Variants in TSPAN1 observed in about 807,000 individuals in gnomAD.
The protein encoded by TSPAN1 is tetraspanin-1.
Under a neutral mutation model 26.9 loss-of-function variants are expected in TSPAN1, and 23 were observed. That is an observed-to-expected ratio of 0.85 (90% CI 0.62 to 1.21). The LOEUF (loss-of-function observed/expected upper bound fraction) is 1.21, where lower values mean the gene tolerates loss of function less well. Ranked by LOEUF, TSPAN1 falls within the 50% of genes most tolerant of loss-of-function variation. The pLI is 0.00. For synonymous variants in TSPAN1, 115 were observed against 114.8 expected (o/e 1.00, Z -0.01); for missense variants, 283 against 298.4 (o/e 0.95, Z 0.38).
At chr1:46,178,287 G>A (rs1172167699) in intron 1 of TSPAN1, among the ~76,000 whole-genome samples, 1 of 151,852 alleles carries the variant, frequency 6.6e-6, no homozygotes, top group Admixed American at 6.6e-5. Context: ...AAACTGGGAG[G>A]CGGAGGTTGC....
the TSPAN1 span, chr1:46,195,931 G>T: frequency 5.0e-4 from 801 of 1,614,140 alleles, 1 homozygote; most frequent in Admixed American, 2.1e-3. Context: ...GGCCCTGGCA[G>T]GGGATATACT....
intron 2 of TSPAN1, 132 bp from the exon 3 acceptor site, chr1:46,180,968 C>A: frequency 1.4e-6 from 1 of 715,408 alleles, no homozygotes; most frequent in Non-Finnish European, 2.4e-6. Flanking sequence ...AGACCAGGTA[C>A]AGGAGAAGCT....
At chr1:46,193,241 C>A in the TSPAN1 span, 1 of 1,614,136 alleles carries the variant, frequency 6.2e-7, no homozygotes, top group Non-Finnish European at 8.5e-7. Flanking sequence ...GAATAGGGCA[C>A]ATGAGCTTTA....
downstream of TSPAN1, chr1:46,190,097 C>CAT: frequency 2.5e-6 from 2 of 807,240 alleles, no homozygotes; most frequent in South Asian, 2.0e-5. Flanking sequence ...CCTTGAAGTT[C>CAT]TTTTTTTTTT....
rs1657305666 is a variant in TSPAN1 at position 46,181,099 on chromosome 1, G to A, written c.-8-1G>A. The A allele has an allele frequency of 6.2e-7, 1 of 1,613,802 alleles. No individual in the cohort carries two copies. Among genetic ancestry groups the A allele is most frequent in the African/African-American group, 1.3e-5 (1 of 75,050 alleles). ...CTAACTTGCACATGTCTACCTCCCA[G>A]GAGCCACCATGCAGTGCTTCAGCTT... On this transcript the variant is annotated splice_acceptor_variant, in intron 2 of 8. Transcript: ENST00000372003. LOFTEE classifies it low-confidence loss of function (5UTR_SPLICE).
At chr1:46,181,357 A>G (rs929021586) in intron 3 of TSPAN1, among the ~76,000 whole-genome samples, 193 bp downstream of exon 3, 3 of 152,130 alleles carry the variant, frequency 2.0e-5, no homozygotes, top group African/African-American at 7.2e-5. Flanking sequence ...GCTGCCATAC[A>G]GGTGCGTGTG....
At chr1:46,187,087 C>T (rs1164675186), downstream of TSPAN1, among the ~76,000 whole-genome samples, 1 of 152,242 alleles carries the variant, frequency 6.6e-6, no homozygotes, top group African/African-American at 2.4e-5. Flanking sequence ...GGATTACAGG[C>T]GTGAGCCACC....
the TSPAN1 span, chr1:46,194,901 G>A: frequency 6.2e-7 from 1 of 1,614,140 alleles, no homozygotes; most frequent in African/African-American, 1.3e-5. Flanking sequence ...GGGCCAGCCT[G>A]GCTGCCCAGG....
intron 1 of TSPAN1, among the ~76,000 whole-genome samples, chr1:46,176,050 T>C (rs1657140078): frequency 1.3e-5 from 2 of 152,144 alleles, no homozygotes; most frequent in South Asian, 2.1e-4. Flanking sequence ...TTTTTTTTTG[T>C]ATTTTTAGTA....
Position 46,184,540 on chromosome 1 carries a change from G to A in TSPAN1, c.265-54G>A, listed in dbSNP as rs1213316674. On this transcript the variant is annotated intron_variant, in intron 4 of 8. Coordinates refer to ENST00000372003, the MANE Select transcript of TSPAN1 (RefSeq NM_005727.4). ...TTTCCGGGGGGGGGATTAGGGCAAG[G>A]AGGGCATGAGGGACTGTCTCTCCCT... 2.5e-6 allele frequency: 4 copies of A among 1,607,064 alleles called. No homozygotes were observed. The East Asian group carries it at 8.9e-5, about 36-fold the overall frequency.
At chr1:46,190,790 G>A (rs770449394), downstream of TSPAN1, 59 of 1,609,958 alleles carry the variant, frequency 3.7e-5, no homozygotes, top group East Asian at 7.6e-4. Flanking sequence ...GCCTCCTGGA[G>A]TGGGTATGAG....
At chr1:46,189,467 G>C, downstream of TSPAN1, 1 of 1,613,712 alleles carries the variant, frequency 6.2e-7, no homozygotes, top group Admixed American at 1.7e-5. Context: ...CGAGTAGGGG[G>C]AAGCCGGGAC....
chr1:46,195,737 G>C, the TSPAN1 span: 5 of 1,302,030 alleles, frequency 3.8e-6, no homozygotes, highest in Non-Finnish European at 4.3e-6. Flanking sequence ...GTTATATGAG[G>C]GGCAGAGAAG....
chr1:46,179,617 G>C (rs145040844), intron 1 of TSPAN1, among the ~76,000 whole-genome samples: 54 of 152,286 alleles, frequency 3.5e-4, no homozygotes, highest in South Asian at 2.1e-3. Flanking sequence ...TCTACATCAG[G>C]CGTGCTGGAG....
chr1:46,183,477 A>C (rs1182371936), intron 3 of TSPAN1: 1 of 152,656 alleles, frequency 6.6e-6, no homozygotes, highest in African/African-American at 2.4e-5. Context: ...CTTTCCTCTA[A>C]GATCTGTGGG....
chr1:46,194,254 T>A, the TSPAN1 span: 1 of 1,614,130 alleles, frequency 6.2e-7, no homozygotes, highest in Non-Finnish European at 8.5e-7. Context: ...CAAACCTCAC[T>A]GTCTTAAGGC....
chr1:46,176,138 G>C, intron 1 of TSPAN1: 1 of 1,444,848 alleles, frequency 6.9e-7, no homozygotes, highest in Non-Finnish European at 9.3e-7. Context: ...GCCTCCCAAA[G>C]TGCCGGGATT....
the TSPAN1 span, chr1:46,195,869 GCCTCAT>G: frequency 1.2e-6 from 2 of 1,613,068 alleles, no homozygotes; most frequent in Non-Finnish European, 1.7e-6. Flanking sequence ...TAGCACCATG[GCCTCAT>G]CCTCATGAGG....
At chr1:46,176,326 C>T (rs769931468) in intron 1 of TSPAN1, 27 of 1,535,758 alleles carry the variant, frequency 1.8e-5, no homozygotes, top group South Asian at 9.5e-5. Context: ...GCTGGCAGTT[C>T]GACCTCGGAG....
Sources: gnomAD v4.1 joint callset for allele counts (sites outside exome capture counted in the v4.1 genomes callset) on GRCh38, gnomAD v4.1.1 for gene constraint, MANE v1.5 for transcripts, NCBI Gene and HGNC (gene_info 2026-07-23, HGNC 2026-07-21) for gene names.